The following NFATC1 variants were observed in gnomAD, a reference collection of about 807,000 sequenced individuals.
NFATC1 encodes the protein nuclear factor of activated T cells 1.
A neutral mutation model predicts 76.0 loss-of-function variants in NFATC1; 22 were observed. That is an observed-to-expected ratio of 0.29 (90% CI 0.21 to 0.41). NFATC1 has a LOEUF of 0.41. Ranked by LOEUF, NFATC1 falls within the 10% of genes least tolerant of loss-of-function variation. The probability of loss-of-function intolerance (pLI) is 1.00; values close to 1 mark genes in which losing one functional copy is unlikely to be tolerated. For synonymous variants in NFATC1, 704 were observed against 613.1 expected (o/e 1.15, Z -2.19); for missense variants, 1,357 against 1,337.7 (o/e 1.01, Z -0.23).
intron 9 of NFATC1, among the ~76,000 whole-genome samples, chr18:79,522,646 A>G (rs753798936): frequency 1.3e-5 from 2 of 152,096 alleles, no homozygotes; most frequent in Non-Finnish European, 2.9e-5. Flanking sequence ...CCCTCACCTC[A>G]GATACGCCAA....
chr18:79,456,001 G>A (rs965087410), intron 6 of NFATC1, among the ~76,000 whole-genome samples: 3 of 152,150 alleles, frequency 2.0e-5, no homozygotes, highest in Admixed American at 1.3e-4. Context: ...CAAATAAAGG[G>A]ACCAAAGGCC....
intron 9 of NFATC1, among the ~76,000 whole-genome samples, chr18:79,491,126 G>C (rs929111277): frequency 6.6e-6 from 1 of 152,134 alleles, no homozygotes; most frequent in African/African-American, 2.4e-5. Flanking sequence ...GGTGAATGTG[G>C]GTAGTCCTTG....
chr18:79,521,138 C>G (rs1467253511), intron 9 of NFATC1, among the ~76,000 whole-genome samples: 11 of 49,996 alleles, frequency 2.2e-4, no homozygotes, highest in African/African-American at 6.6e-4. Flanking sequence ...ATGTGTGTGT[C>G]TGTGTGTGTG....
At position 79,465,745 on chromosome 18, in the gene NFATC1, C is replaced by T. The variant is rs963301587; in HGVS notation, c.1960-1705C>T. Among the ~76,000 whole-genome samples, 7 of 152,258 alleles carry T rather than the reference C, an allele frequency of 4.6e-5. No homozygotes were observed. The highest frequency in any genetic ancestry group is 1.4e-4 in the African/African-American group (6 of 41,458). ...GACTCCATCGCAGCTGCCCTGAGCA[C>T]TGCTGAATTCAGAAAACAGCCTTGG... On this transcript the variant is annotated intron_variant, in intron 7 of 9. Transcript: ENST00000427363. The surrounding 1 kb of genome is among the most constrained non-coding windows in gnomAD (Gnocchi z 4.2).
At chr18:79,513,892 A>G (rs1282614754) in intron 9 of NFATC1, among the ~76,000 whole-genome samples, 1 of 152,118 alleles carries the variant, frequency 6.6e-6, no homozygotes, top group Admixed American at 6.5e-5. Flanking sequence ...TGTGGAGCCC[A>G]TGGATCCTTT....
At chr18:79,405,710 G>A (rs1022526031) in intron 1 of NFATC1, among the ~76,000 whole-genome samples, 7 of 152,244 alleles carry the variant, frequency 4.6e-5, no homozygotes, top group Admixed American at 6.5e-5. Flanking sequence ...TTGAGCTTTC[G>A]TTTTGTCATT....
At position 79,524,863 on chromosome 18, in the gene NFATC1, G is replaced by A. The variant is rs369559951; in HGVS notation, c.2783-2665G>A. Among the ~76,000 whole-genome samples, 4 of 151,930 alleles carry A rather than the reference G, an allele frequency of 2.6e-5. No homozygotes were observed. The highest frequency in any genetic ancestry group is 2.1e-4 in the South Asian group (1 of 4,812). On this transcript the variant is annotated intron_variant, in intron 9 of 9. Coordinates refer to ENST00000427363, the MANE Select transcript of NFATC1 (RefSeq NM_001278669.2). The surrounding 1 kb of genome is among the most constrained non-coding windows in gnomAD (Gnocchi z 7.2). The stretch of plus-strand genomic sequence containing the variant: ...GCTTCCCTTTCACCCTCAGCGACGC[G>A]CCCTCCTGTGCCCGCGGGGAACAAG...
chr18:79,410,954 G>C lies in NFATC1; in HGVS notation c.679G>C (p.Ala227Pro). The C allele has an allele frequency of 3.1e-6, 5 of 1,602,698 alleles. No homozygotes were observed. The highest frequency in any genetic ancestry group is 2.7e-5 in the African/African-American group (2 of 74,898). Residue 227 changes from alanine to proline, a missense_variant, in exon 2 of 10, where the codon GCC becomes CCC. This residue lies in a region of NFATC1 where 691 missense variants were observed against 613.1 expected (regional missense o/e 1.13). Coordinates refer to ENST00000427363, the MANE Select transcript of NFATC1 (RefSeq NM_001278669.2). This position sits in a 1 kb window ranked among gnomAD's most constrained non-coding sequence, Gnocchi z 6.7. ...PEEGFPRGLGACTLLGSPRHS... is the reference protein window; with the variant it reads ...PEEGFPRGLGPCTLLGSPRHS... ...GGAGGGCTTTCCCCGCGGGCTGGGG[G>C]CCTGCACACTGCTGGGTTCCCCGCG...
chr18:79,414,457 T>C (rs1299719804), intron 2 of NFATC1, among the ~76,000 whole-genome samples: 1 of 152,236 alleles, frequency 6.6e-6, no homozygotes, highest in Non-Finnish European at 1.5e-5. Flanking sequence ...TGAGGCCTTT[T>C]GTTGCTTGTT....
intron 9 of NFATC1, among the ~76,000 whole-genome samples, chr18:79,490,255 G>A (rs1005977217): frequency 2.0e-5 from 3 of 151,958 alleles, no homozygotes; most frequent in Non-Finnish European, 4.4e-5. Flanking sequence ...GTGCAGGCCC[G>A]GCTCTGGGTT....
chr18:79,490,779 G>A (rs1279920494), intron 9 of NFATC1, among the ~76,000 whole-genome samples: 4 of 152,162 alleles, frequency 2.6e-5, no homozygotes, highest in African/African-American at 9.7e-5. Flanking sequence ...AAGGGTCCCG[G>A]GTCAGGGTTG....
At chr18:79,397,760 C>T (rs1241576717) in intron 1 of NFATC1, among the ~76,000 whole-genome samples, 2 of 152,106 alleles carry the variant, frequency 1.3e-5, no homozygotes, top group East Asian at 1.9e-4. Context: ...CCTGAAGAGC[C>T]GGTGGCCGAC....
intron 9 of NFATC1, 100 bp downstream of exon 9, chr18:79,487,037 GTGCACCGA>G (rs2089524500): frequency 1.5e-6 from 2 of 1,334,328 alleles, no homozygotes; most frequent in African/African-American, 3.0e-5. Context: ...ACGTGTGGAA[GTGCACCGA>G]GGCACCGGGC....
intron 2 of NFATC1, among the ~76,000 whole-genome samples, chr18:79,419,249 C>T (rs1344460351): frequency 1.3e-5 from 2 of 152,180 alleles, no homozygotes; most frequent in Non-Finnish European, 1.5e-5. Context: ...ATCTGGAACT[C>T]CTGGCCTGAA....
chr18:79,427,399 GA>G (rs2086385517), intron 2 of NFATC1, among the ~76,000 whole-genome samples: 2 of 125,510 alleles, frequency 1.6e-5, no homozygotes, highest in Non-Finnish European at 1.6e-5. Flanking sequence ...GGGTTGGGGG[GA>G]GCTGGATGGC....
intron 3 of NFATC1, among the ~76,000 whole-genome samples, chr18:79,441,043 C>T (rs2086955425): frequency 6.6e-6 from 1 of 152,204 alleles, no homozygotes; most frequent in African/African-American, 2.4e-5. Flanking sequence ...GACAGAGGCG[C>T]TTTGCTGGGA....
chr18:79,490,215 G>T (rs568413277), intron 9 of NFATC1, among the ~76,000 whole-genome samples: 2 of 152,340 alleles, frequency 1.3e-5, no homozygotes, highest in South Asian at 4.1e-4. Context: ...AGTCCTGGGG[G>T]CTGAGGTGGT....
intron 3 of NFATC1, among the ~76,000 whole-genome samples, chr18:79,442,507 G>A (rs528306984): frequency 7.9e-5 from 12 of 152,366 alleles, no homozygotes; most frequent in African/African-American, 2.6e-4. Flanking sequence ...AAAGTCGGCG[G>A]AAGGGGCTAG....
intron 9 of NFATC1, among the ~76,000 whole-genome samples, chr18:79,521,123 T>C (rs1202246069): frequency 6.8e-4 from 45 of 65,786 alleles, no homozygotes; most frequent in Admixed American, 1.1e-3. Context: ...GGGGGGCGTC[T>C]GCTGATGTGT....
Sources: allele counts gnomAD v4.1 joint callset (sites outside exome capture counted in the v4.1 genomes callset), GRCh38; gene constraint gnomAD v4.1.1; regional missense constraint gnomAD v4.1.1; non-coding constraint Gnocchi (gnomAD v3.1); transcripts MANE v1.5; gene names NCBI Gene and HGNC (gene_info 2026-07-23, HGNC 2026-07-21).